DNAH9: variants seen among roughly 807,000 people sequenced by gnomAD.
DNAH9 encodes the protein dynein axonemal heavy chain 9.
A neutral mutation model predicts 471.6 loss-of-function variants in DNAH9; 345 were observed. The ratio of observed to expected loss-of-function variants is 0.73; its 90% CI spans 0.67 to 0.80. The LOEUF (loss-of-function observed/expected upper bound fraction) is 0.80, where lower values mean the gene tolerates loss of function less well. DNAH9 is among the 30% of genes least tolerant of loss of function. The probability of loss-of-function intolerance (pLI) is 0.00; values close to 1 mark genes in which losing one functional copy is unlikely to be tolerated. For synonymous variants in DNAH9, 2,093 were observed against 2,123.6 expected, an observed-to-expected ratio of 0.99 and a Z score of 0.40; for missense variants, 5,407 against 5,609.2, an observed-to-expected ratio of 0.96 and a Z score of 1.15.
chr17:11,964,617 T>C (rs1976535443), intron 68 of DNAH9, among the ~76,000 whole-genome samples: 1 of 152,184 alleles, frequency 6.6e-6, no homozygotes, highest in Non-Finnish European at 1.5e-5. Flanking sequence ...CTTAGAATTC[T>C]GGAAATTAAC....
At position 11,675,219 on chromosome 17, in the gene DNAH9, G is replaced by A. The variant is rs185310951; in HGVS notation, c.3354-4538G>A. On this transcript the variant is annotated intron_variant, in intron 17 of 68. Coordinates refer to ENST00000262442, the MANE Select transcript of DNAH9 (RefSeq NM_001372.4). ...TCCTCAGTATTTTGTTTTTCAGTTC[G>A]TAGTATAAATAATATTTTAAAATCA... is the stretch of plus-strand genomic sequence containing the variant. Among the ~76,000 whole-genome samples, 319 of 151,844 alleles carry A rather than the reference G, an allele frequency of 2.1e-3. 6 individuals are homozygous for A. Among genetic ancestry groups the A allele is most frequent in the South Asian group, 0.012 (58 of 4,820 alleles).
chr17:11,817,240 A>T (rs888556914), intron 45 of DNAH9, among the ~76,000 whole-genome samples: 1 of 152,216 alleles, frequency 6.6e-6, no homozygotes, highest in African/African-American at 2.4e-5. Flanking sequence ...AGAAGGAATT[A>T]TAGGAACAAA....
chr17:11,932,068 C>CT lies in DNAH9; in HGVS notation c.12163dup (p.Cys4055LeufsTer25), dbSNP rs761658139. The CT allele has an allele frequency of 4.2e-5, 67 of 1,614,026 alleles. No individual in the cohort carries two copies. The highest frequency in any genetic ancestry group is 5.3e-5 in the Non-Finnish European group (63 of 1,180,040). On this transcript the variant is annotated frameshift_variant, in exon 64 of 69. Coordinates refer to ENST00000262442, the MANE Select transcript of DNAH9 (RefSeq NM_001372.4). LOFTEE classifies it high-confidence loss of function. The surrounding 1 kb of genome is among the most constrained non-coding windows in gnomAD (Gnocchi z 4.3). Reference sequence around the variant, plus strand: ...GGAGTTTAAGAGCATCCTCTTTGCTCTTTGTTACTTCCATGCGGTGGTGGC... The same window carrying CT: ...GGAGTTTAAGAGCATCCTCTTTGCTCTTTTGTTACTTCCATGCGGTGGTGGC...
Position 11,705,060 on chromosome 17 carries a change from G to A in DNAH9, c.5427G>A (p.Gln1809=), listed in dbSNP as rs2074675730. 1 of 1,614,222 alleles carries A rather than the reference G, an allele frequency of 6.2e-7. No individual in the cohort carries two copies. Among genetic ancestry groups the A allele is most frequent in the African/African-American group, 1.3e-5 (1 of 75,064 alleles). Reference sequence around the variant, plus strand: ...CCCAGGCTTTCCTCTGGCTGTCTCAGCTGCGCCATCGTTGGGATGACGAGG... The same window carrying A: ...CCCAGGCTTTCCTCTGGCTGTCTCAACTGCGCCATCGTTGGGATGACGAGG... ...DNAQAFLWLS[Q]LRHRWDDEVK... The change falls in exon 26 of 69, where the codon CAG becomes CAA. Residue 1809 remains glutamine (Q), a synonymous_variant. Transcript: ENST00000262442.
At chr17:11,784,809 A>C (rs1357711058) in intron 41 of DNAH9, among the ~76,000 whole-genome samples, 2 of 152,156 alleles carry the variant, frequency 1.3e-5, no homozygotes, top group East Asian at 1.9e-4. Context: ...AGAAGGCTCA[A>C]CACCTTGGAG....
At chr17:11,922,974 G>C (rs1974181476) in intron 61 of DNAH9, among the ~76,000 whole-genome samples, 1 of 152,152 alleles carries the variant, frequency 6.6e-6, no homozygotes, top group South Asian at 2.1e-4. Context: ...ATAAAGAATA[G>C]CATCAGCAAT....
At chr17:11,863,198 A>G (rs1971922559) in intron 50 of DNAH9, among the ~76,000 whole-genome samples, 1 of 152,196 alleles carries the variant, frequency 6.6e-6, no homozygotes. Flanking sequence ...ACGTCCCATC[A>G]ATACCTAATT....
At chr17:11,966,698 T>G (rs1319461649) in intron 68 of DNAH9, among the ~76,000 whole-genome samples, 1 of 152,188 alleles carries the variant, frequency 6.6e-6, no homozygotes, top group Non-Finnish European at 1.5e-5. Flanking sequence ...ATGTAAATGA[T>G]GAAAACAGCA....
intron 28 of DNAH9, among the ~76,000 whole-genome samples, chr17:11,729,209 G>T (rs945189471): frequency 7.2e-5 from 11 of 152,086 alleles, no homozygotes; most frequent in Admixed American, 6.6e-5. Context: ...AGCTGCACAG[G>T]CTCCATTCCC....
At chr17:11,649,127 CAAAA>C (rs34813249) in intron 12 of DNAH9, among the ~76,000 whole-genome samples, 1 of 124,744 alleles carries the variant, frequency 8.0e-6, no homozygotes, top group Non-Finnish European at 1.7e-5. Context: ...AACTCCATCT[CAAAA>C]AAAAAAAAAA....
At chr17:11,800,575 G>C (rs970439186) in intron 43 of DNAH9, among the ~76,000 whole-genome samples, 1 of 151,792 alleles carries the variant, frequency 6.6e-6, no homozygotes, top group Non-Finnish European at 1.5e-5. Context: ...CATCCAAAAC[G>C]TTGCCCATCT....
chr17:11,839,943 A>G (rs996183944), intron 49 of DNAH9, among the ~76,000 whole-genome samples: 2 of 152,206 alleles, frequency 1.3e-5, no homozygotes, highest in Non-Finnish European at 2.9e-5. Context: ...AGAAATGGGA[A>G]TGCTTGTGCA....
At chr17:11,915,745 C>T (rs1056625247) in intron 61 of DNAH9, among the ~76,000 whole-genome samples, 1 of 152,188 alleles carries the variant, frequency 6.6e-6, no homozygotes, top group Admixed American at 6.5e-5. Flanking sequence ...GCCTACTCAT[C>T]CTGCAAATTA....
chr17:11,605,562 G>A (rs923046392), intron 1 of DNAH9, among the ~76,000 whole-genome samples: 20 of 152,068 alleles, frequency 1.3e-4, no homozygotes, highest in African/African-American at 2.9e-4. Flanking sequence ...ACAGTGGCAC[G>A]ATTTCAGCTC....
chr17:11,883,631 A>G lies in DNAH9; in HGVS notation c.10852A>G (p.Thr3618Ala). Residue 3618 changes from threonine to alanine, a missense_variant, in exon 56 of 69, where the codon ACG becomes GCG. By Grantham distance (58) the Thr-to-Ala change is moderately conservative. Transcript: ENST00000262442. ...GAATGGATTCAAAATTACCCTGAAA[A>G]CGTTGGAAGACAGTCTTCTCTCTCG... Reference protein sequence around the residue: ...QQNGFKITLKTLEDSLLSRLS... With the variant: ...QQNGFKITLKALEDSLLSRLS... 1 of 1,614,086 alleles carries G rather than the reference A, an allele frequency of 6.2e-7. No homozygotes were observed. Among genetic ancestry groups the G allele is most frequent in the Non-Finnish European group, 8.5e-7 (1 of 1,180,014 alleles).
intron 19 of DNAH9, among the ~76,000 whole-genome samples, chr17:11,682,688 A>G (rs2074156279): frequency 6.6e-6 from 1 of 152,298 alleles, no homozygotes; most frequent in East Asian, 1.9e-4. Context: ...AAAACTCCCA[A>G]TATGCCCAGT....
chr17:11,691,619 ATATACAT>A (rs2074333007), intron 20 of DNAH9, among the ~76,000 whole-genome samples: 2 of 152,306 alleles, frequency 1.3e-5, no homozygotes, highest in African/African-American at 4.8e-5. Flanking sequence ...TGGTTCATGT[ATATACAT>A]ATTTTTACAT....
At chr17:11,688,110 A>C (rs1027070251) in intron 19 of DNAH9, among the ~76,000 whole-genome samples, 4 of 129,862 alleles carry the variant, frequency 3.1e-5, no homozygotes, top group African/African-American at 1.1e-4. Context: ...AGAAAAAGCC[A>C]TCTGCCTACA....
chr17:11,683,181 TG>T (rs1201143287), intron 19 of DNAH9, among the ~76,000 whole-genome samples: 3 of 152,186 alleles, frequency 2.0e-5, no homozygotes, highest in African/African-American at 7.2e-5. Flanking sequence ...TGTTTTGTTT[TG>T]TTTTGTTTTG....
Sources: gnomAD v4.1 joint callset for allele counts (sites outside exome capture counted in the v4.1 genomes callset) on GRCh38, gnomAD v4.1.1 for gene constraint, Gnocchi (gnomAD v3.1) non-coding constraint, MANE v1.5 for transcripts, NCBI Gene and HGNC (gene_info 2026-07-23, HGNC 2026-07-21) for gene names.